Variants in HIVEP2 observed in about 807,000 individuals in gnomAD.
The protein encoded by HIVEP2 is transcription factor HIVEP2.
Under a neutral mutation model 180.7 loss-of-function variants are expected in HIVEP2, and 14 were observed. The observed-to-expected ratio is 0.08, with a 90% CI of 0.05 to 0.12. HIVEP2 has a LOEUF of 0.12. Ranked by LOEUF, HIVEP2 falls within the 10% of genes least tolerant of loss-of-function variation. The pLI is 1.00. For missense variants in HIVEP2, 2,579 were observed against 3,008.5 expected (o/e 0.86, Z 3.34); for synonymous variants, 1,184 against 1,136.4 (o/e 1.04, Z -0.84).
chr6:142,807,907 C>T (rs1341377875), intron 2 of HIVEP2, among the ~76,000 whole-genome samples: 2 of 152,166 alleles, frequency 1.3e-5, no homozygotes, highest in Non-Finnish European at 2.9e-5. Context: ...GAGCATGTCC[C>T]TACCTCCAGG....
rs2114645358 is a variant in HIVEP2, at chr6:142,770,115, C to T, written c.4624G>A (p.Glu1542Lys). Residue 1542 changes from glutamate to lysine, a missense_variant, in exon 5 of 10, where the codon GAG (glutamate) becomes AAG (lysine). By Grantham distance (56) the Glu-to-Lys change is moderately conservative. Coordinates refer to ENST00000367603, the MANE Select transcript of HIVEP2 (RefSeq NM_006734.4). The surrounding 1 kb of genome is among the most constrained non-coding windows in gnomAD (Gnocchi z 4.7). ...GGTGCCCGGGAACCGGAAAGCATCT[C>T]CTTGCTGGGCAGGAATGGCTCCCTG... ...SSREPFLPSK[E>K]MLSGSRAPLP... The T allele has an allele frequency of 6.2e-7, 1 of 1,614,240 alleles. No individual in the cohort carries two copies. Among genetic ancestry groups the T allele is most frequent in the Non-Finnish European group, 8.5e-7 (1 of 1,180,040 alleles).
intron 1 of HIVEP2, among the ~76,000 whole-genome samples, chr6:142,859,460 CA>C (rs142594662): frequency 0.21 from 25,437 of 118,650 alleles, 2,271 homozygotes; most frequent in South Asian, 0.25. Flanking sequence ...GACCCAGTCT[CA>C]AAAAAAAAAA....
Position 142,769,749 on chromosome 6 carries a change from T to A in HIVEP2, c.4990A>T (p.Thr1664Ser), listed in dbSNP as rs753173100. ...GAAGCATAAACCGAGGATTTGAAGG[T>A]GGCCTGTTGCACATAATTGGGTTTT... ...YTKPNYVQQATFKSSVYASWC... is the reference protein window; with the variant it reads ...YTKPNYVQQASFKSSVYASWC... The change falls in exon 5 of 10, where the codon ACC becomes TCC. Residue 1664 changes from threonine (T) to serine (S), a missense_variant. This residue lies in a region of HIVEP2 where 349 missense variants were observed against 367.2 expected (regional missense o/e 0.95). Transcript: ENST00000367603. 5.2e-5 allele frequency: 84 copies of A among 1,614,198 alleles called. No individual in the cohort carries two copies. Among genetic ancestry groups the A allele is most frequent in the Non-Finnish European group, 7.0e-5 (83 of 1,180,038 alleles).
rs1775664311 is a variant in HIVEP2 at position 142,775,111 on chromosome 6, C to T, written c.-373G>A. The stretch of plus-strand genomic sequence containing the variant: ...GAGCAAAGTTCAATTGCCAGTTTCA[C>T]TAAGATAAAATGATCTGAAGAAAAA... On this transcript the variant is annotated 5_prime_UTR_variant, in exon 5 of 10. In the 5' UTR this introduces an upstream ATG that the reference lacks. Transcript: ENST00000367603. 18 of 996,366 alleles carry T rather than the reference C, an allele frequency of 1.8e-5. No individual in the cohort carries two copies. Among genetic ancestry groups the T allele is most frequent in the Non-Finnish European group, 2.1e-5 (18 of 837,776 alleles). 61.7% of individuals were successfully genotyped at this position (996,366 alleles called of 1,614,324 possible).
chr6:142,766,823 TAA>T (rs1727017751), intron 6 of HIVEP2, among the ~76,000 whole-genome samples: 1 of 152,216 alleles, frequency 6.6e-6, no homozygotes, highest in Non-Finnish European at 1.5e-5. Flanking sequence ...AATTTATTAT[TAA>T]ACCTATCAGT....
chr6:142,818,678 GAAA>G (rs1776914536), intron 2 of HIVEP2, among the ~76,000 whole-genome samples: 1 of 14,870 alleles, frequency 6.7e-5, no homozygotes. Context: ...AAAAAAAAAA[GAAA>G]GAGAGAGAGA....
At chr6:142,945,615 C>T (rs961436431), upstream of HIVEP2, among the ~76,000 whole-genome samples, 2 of 152,178 alleles carry the variant, frequency 1.3e-5, no homozygotes, top group African/African-American at 4.8e-5. This position sits in a 1 kb window ranked among gnomAD's most constrained non-coding sequence, Gnocchi z 5.5. Context: ...GTGAACGAGC[C>T]GGGAGACCCT....
chr6:142,759,638 C>G (rs541410605), intron 9 of HIVEP2, 134 bp downstream of exon 9: 2 of 717,316 alleles, frequency 2.8e-6, no homozygotes, highest in East Asian at 5.0e-5. Context: ...AATGTCTCCC[C>G]GCTATTTTCA....
chr6:142,886,746 C>T (rs1043124529), intron 1 of HIVEP2, among the ~76,000 whole-genome samples: 10 of 152,092 alleles, frequency 6.6e-5, no homozygotes, highest in African/African-American at 2.4e-4. Context: ...ACTATCTTGC[C>T]CACACAAATG....
At chr6:142,818,513 C>CA (rs1426891362) in intron 2 of HIVEP2, among the ~76,000 whole-genome samples, 1 of 151,386 alleles carries the variant, frequency 6.6e-6, no homozygotes, top group Non-Finnish European at 1.5e-5. Context: ...TTCGTCTCCA[C>CA]AAAAAATTAG....
chr6:142,753,944 A>C lies in HIVEP2; in HGVS notation c.6517-13T>G. The stretch of plus-strand genomic sequence containing the variant: ...CTCTTCTTAAATTCTGCGCAGAGAA[A>C]CAAAGAGAGCACAAAATTCAGAGCC... On this transcript the variant is annotated splice_polypyrimidine_tract_variant and intron_variant, in intron 9 of 9. Transcript: ENST00000367603. 1 of 1,437,704 alleles carries C rather than the reference A, an allele frequency of 7.0e-7. No homozygotes were observed. 89.1% of individuals were successfully genotyped at this position (1,437,704 alleles called of 1,614,324 possible).
At chr6:142,840,923 T>C (rs1775345013) in intron 1 of HIVEP2, among the ~76,000 whole-genome samples, 1 of 152,112 alleles carries the variant, frequency 6.6e-6, no homozygotes, top group Non-Finnish European at 1.5e-5. Context: ...AAAATTTCTT[T>C]TCAGAGGCTT....
intron 2 of HIVEP2, among the ~76,000 whole-genome samples, chr6:142,824,148 A>G (rs1309904126): frequency 6.6e-6 from 1 of 152,202 alleles, no homozygotes; most frequent in Non-Finnish European, 1.5e-5. Context: ...CTTAGTATAT[A>G]TAATTGCTTT....
At chr6:142,927,850 TAA>T (rs747268297) in intron 1 of HIVEP2, among the ~76,000 whole-genome samples, 1 of 152,352 alleles carries the variant, frequency 6.6e-6, no homozygotes, top group Non-Finnish European at 1.5e-5. Flanking sequence ...TAATAACGAT[TAA>T]AAATAAGGCC....
At chr6:142,923,139 C>T (rs1777722626) in intron 1 of HIVEP2, among the ~76,000 whole-genome samples, 1 of 152,100 alleles carries the variant, frequency 6.6e-6, no homozygotes, top group Non-Finnish European at 1.5e-5. Flanking sequence ...TCAAGACCAG[C>T]CTGGCCAAGA....
chr6:142,801,932 T>C (rs762886942), intron 2 of HIVEP2, among the ~76,000 whole-genome samples: 43 of 152,200 alleles, frequency 2.8e-4, no homozygotes, highest in Non-Finnish European at 5.3e-4. Context: ...AGTCCTTTTC[T>C]GTGAAAACAC....
rs1775911175 is a variant in HIVEP2 at position 142,783,555 on chromosome 6, C to T, written c.-467G>A. On this transcript the variant is annotated 5_prime_UTR_variant, in exon 3 of 10. Transcript: ENST00000367603. ...TCATATCAAAAAACTGCATCACAAC[C>T]GTCTTTGATTTCCAAGATGCCAACT... 2 of 152,020 alleles carry T rather than the reference C, an allele frequency of 1.3e-5. No individual in the cohort carries two copies. Among genetic ancestry groups the T allele is most frequent in the South Asian group, 4.1e-4 (2 of 4,822 alleles). 9.4% of individuals were successfully genotyped at this position (152,020 alleles called of 1,614,324 possible).
chr6:142,866,481 T>A (rs780714933), intron 1 of HIVEP2, among the ~76,000 whole-genome samples: 10 of 152,072 alleles, frequency 6.6e-5, no homozygotes, highest in Non-Finnish European at 1.5e-4. Flanking sequence ...GCTGTGAAAT[T>A]TTCTTGTAGC....
intron 2 of HIVEP2, among the ~76,000 whole-genome samples, chr6:142,818,289 C>T (rs1290251297): frequency 1.1e-4 from 16 of 152,144 alleles, no homozygotes; most frequent in Admixed American, 1.0e-3. Flanking sequence ...ATCTTTATTG[C>T]ACTTAAAGTT....
Sources: allele counts gnomAD v4.1 joint callset (sites outside exome capture counted in the v4.1 genomes callset), GRCh38; gene constraint gnomAD v4.1.1; regional missense constraint gnomAD v4.1.1; non-coding constraint Gnocchi (gnomAD v3.1); transcripts MANE v1.5; gene names NCBI Gene and HGNC (gene_info 2026-07-23, HGNC 2026-07-21).